The following KCNH5 variants were observed in gnomAD, a reference collection of about 807,000 sequenced individuals.
KCNH5 encodes potassium voltage-gated channel subfamily H member 5, also known as voltage-gated delayed rectifier potassium channel KCNH5.
KCNH5 carries 46 observed loss-of-function variants against 96.1 expected under a neutral mutation model. The ratio of observed to expected loss-of-function variants is 0.48; its 90% CI spans 0.38 to 0.61. The LOEUF (loss-of-function observed/expected upper bound fraction) is 0.61, where lower values mean the gene tolerates loss of function less well. KCNH5 is among the 20% of genes least tolerant of loss of function. The probability of loss-of-function intolerance (pLI) is 0.00; values close to 1 mark genes in which losing one functional copy is unlikely to be tolerated. For missense variants in KCNH5, 907 were observed against 1,225.8 expected, an observed-to-expected ratio of 0.74 and a Z score of 3.88; for synonymous variants, 439 against 449.8, an observed-to-expected ratio of 0.98 and a Z score of 0.30.
At chr14:62,851,969 G>A (rs1887816532) in intron 7 of KCNH5, among the ~76,000 whole-genome samples, 1 of 152,090 alleles carries the variant, frequency 6.6e-6, no homozygotes, top group Non-Finnish European at 1.5e-5. Context: ...ACCTGCTAAT[G>A]TATTAAAAGT....
chr14:62,989,316 C>T (rs1192188256), intron 4 of KCNH5, among the ~76,000 whole-genome samples: 1 of 152,048 alleles, frequency 6.6e-6, no homozygotes. Flanking sequence ...ATTTGCTCTG[C>T]CTCTGTCTCT....
intron 9 of KCNH5, among the ~76,000 whole-genome samples, chr14:62,788,158 G>T (rs186423385): frequency 2.4e-4 from 37 of 152,284 alleles, no homozygotes; most frequent in African/African-American, 8.9e-4. Flanking sequence ...TGTGATTCAT[G>T]TGAGATGTGA....
rs564740704 is a variant in KCNH5, at chr14:62,847,368, A to C, written c.1569+2285T>G. On this transcript the variant is annotated intron_variant, in intron 8 of 10. Coordinates refer to ENST00000322893, the MANE Select transcript of KCNH5 (RefSeq NM_139318.5). ...ATGATGCAATACTAGAAATCCCTAC[A>C]CCCCCTTTCTAAGCCCAGAATTTGG... Among the ~76,000 whole-genome samples the C allele has an allele frequency of 8.6e-5, 13 of 151,466 alleles. 1 individual carries two copies. In the South Asian group the frequency reaches 2.7e-3, roughly 32 times the overall value.
intron 7 of KCNH5, among the ~76,000 whole-genome samples, chr14:62,943,739 C>T (rs962254824): frequency 6.6e-6 from 1 of 152,000 alleles, no homozygotes; most frequent in Non-Finnish European, 1.5e-5. Flanking sequence ...ATGTGGCTAC[C>T]CTGGGGAGTA....
In KCNH5 at chr14:62,849,637, C is replaced by T. The variant is rs374773556; in HGVS notation, c.1569+16G>A. 6.9e-6 allele frequency: 11 copies of T among 1,602,588 alleles called. No individual in the cohort carries two copies. Among genetic ancestry groups the T allele is most frequent in the African/African-American group, 2.7e-5 (2 of 74,582 alleles). ...TACTAAAATAGAAACTAAATAATAA[C>T]AATAATAACCCATACCTTTTCTGTA... On this transcript the variant is annotated intron_variant, in intron 8 of 10. Transcript: ENST00000322893.
intron 10 of KCNH5, among the ~76,000 whole-genome samples, chr14:62,752,142 C>A (rs1369485109): frequency 1.3e-5 from 2 of 152,146 alleles, no homozygotes; most frequent in Admixed American, 6.6e-5. Flanking sequence ...GGGTCTTGAT[C>A]TGGAACTGCA....
chr14:63,044,251 T>A (rs1235364670), intron 1 of KCNH5, among the ~76,000 whole-genome samples: 1 of 152,256 alleles, frequency 6.6e-6, no homozygotes, highest in Non-Finnish European at 1.5e-5. Flanking sequence ...TTCAGTAAGA[T>A]GCAAAGTTTA....
At chr14:62,943,396 C>T (rs117023145) in intron 7 of KCNH5, among the ~76,000 whole-genome samples, 2,143 of 152,130 alleles carry the variant, frequency 0.014, 29 homozygotes, top group Non-Finnish European at 0.021. Flanking sequence ...TACTATGGTG[C>T]CTTCTGAATA....
At chr14:62,905,282 CATA>C (rs1215617824) in intron 7 of KCNH5, among the ~76,000 whole-genome samples, 3 of 152,118 alleles carry the variant, frequency 2.0e-5, no homozygotes, top group Admixed American at 2.0e-4. Context: ...GTAACATTTG[CATA>C]ATAACCCTAT....
At chr14:62,976,403 A>G (rs1349553416) in intron 6 of KCNH5, among the ~76,000 whole-genome samples, 2 of 67,046 alleles carry the variant, frequency 3.0e-5, no homozygotes, top group South Asian at 6.4e-4. Flanking sequence ...ACTCCATGTC[A>G]AAAAAAAAAA....
rs763709660 is a variant in KCNH5, at chr14:62,707,564, A to C, written c.2911T>G (p.Phe971Val). Residue 971 changes from phenylalanine (F) to valine (V), a missense_variant, in exon 11 of 11, where the codon TTT becomes GTT. This residue lies in a region of KCNH5 where 362 missense variants were observed against 394.4 expected (regional missense o/e 0.92). Transcript: ENST00000322893. ...GGTGATTCAGGCCTTGAGACACTAAAAATATCCTGACATGGTATCTGGGGG... is the reference window on the plus strand; with the variant it reads ...GGTGATTCAGGCCTTGAGACACTAACAATATCCTGACATGGTATCTGGGGG... ...VPPQIPCQDI[F>V]SVSRPESPES... 2 of 1,506,566 alleles carry C rather than the reference A, an allele frequency of 1.3e-6. No homozygotes were observed. Among genetic ancestry groups the C allele is most frequent in the East Asian group, 4.6e-5 (2 of 43,744 alleles). 93.3% of individuals were successfully genotyped at this position (1,506,566 alleles called of 1,614,324 possible).
chr14:62,831,048 C>G (rs1451291391), intron 8 of KCNH5, among the ~76,000 whole-genome samples: 1 of 152,170 alleles, frequency 6.6e-6, no homozygotes, highest in Non-Finnish European at 1.5e-5. Flanking sequence ...AGCCATCTGA[C>G]TGCACAGTAG....
intron 10 of KCNH5, among the ~76,000 whole-genome samples, chr14:62,767,156 TAAA>T (rs1305723833): frequency 6.6e-6 from 1 of 152,074 alleles, no homozygotes; most frequent in Non-Finnish European, 1.5e-5. Context: ...TGGCTATTCT[TAAA>T]AAGTCAAAAA....
At chr14:62,783,297 A>C (rs1029697176) in intron 9 of KCNH5, among the ~76,000 whole-genome samples, 1 of 152,186 alleles carries the variant, frequency 6.6e-6, no homozygotes, top group South Asian at 2.1e-4. Flanking sequence ...ATTTTGTCTT[A>C]TAATTTGTGT....
At chr14:62,797,875 C>G (rs1886572556) in intron 9 of KCNH5, among the ~76,000 whole-genome samples, 1 of 151,876 alleles carries the variant, frequency 6.6e-6, no homozygotes, top group South Asian at 2.1e-4. Context: ...TGCCAGCAAA[C>G]CCAGGTAATT....
chr14:62,720,285 T>C (rs1884779158), intron 10 of KCNH5, among the ~76,000 whole-genome samples: 2 of 152,052 alleles, frequency 1.3e-5, no homozygotes, highest in African/African-American at 2.4e-5. Context: ...ATTTTACCTG[T>C]GAGGGGAGGG....
At chr14:62,953,665 C>T (rs1890048327) in intron 6 of KCNH5, among the ~76,000 whole-genome samples, 1 of 152,172 alleles carries the variant, frequency 6.6e-6, no homozygotes, top group African/African-American at 2.4e-5. Context: ...TTATCAAGTC[C>T]TGAGGGTCTC....
intron 7 of KCNH5, among the ~76,000 whole-genome samples, chr14:62,859,191 C>T (rs571690114): frequency 6.6e-6 from 1 of 152,250 alleles, no homozygotes; most frequent in Admixed American, 6.5e-5. Context: ...AATCAACCTG[C>T]CACCAGGTAG....
chr14:62,999,387 G>C (rs1421881986), intron 4 of KCNH5, among the ~76,000 whole-genome samples: 1 of 151,844 alleles, frequency 6.6e-6, no homozygotes, highest in African/African-American at 2.4e-5. Context: ...GGGGTTGTTT[G>C]TTTTTTTCTT....
Sources: gnomAD v4.1 joint callset for allele counts (sites outside exome capture counted in the v4.1 genomes callset) on GRCh38, gnomAD v4.1.1 for gene constraint, gnomAD v4.1.1 regional missense constraint, MANE v1.5 for transcripts, NCBI Gene and HGNC (gene_info 2026-07-23, HGNC 2026-07-21) for gene names.